The following ATXN1 variants were observed in gnomAD, a reference collection of about 807,000 sequenced individuals.
The protein encoded by ATXN1 is ataxin 1, also known as ataxin-1.
Under a neutral mutation model 56.4 loss-of-function variants are expected in ATXN1, and 8 were observed. That is an observed-to-expected ratio of 0.14 (90% CI 0.08 to 0.26). The LOEUF (loss-of-function observed/expected upper bound fraction) is 0.26, where lower values mean the gene tolerates loss of function less well. ATXN1 is among the 10% of genes least tolerant of loss of function. The pLI is 1.00. For missense variants in ATXN1, 987 were observed against 1,106.5 expected (o/e 0.89, Z 1.53); for synonymous variants, 514 against 494.6 (o/e 1.04, Z -0.52).
intron 6 of ATXN1, among the ~76,000 whole-genome samples, chr6:16,392,294 G>C (rs937674816): frequency 2.0e-5 from 3 of 152,190 alleles, no homozygotes; most frequent in African/African-American, 7.2e-5. Flanking sequence ...GGCTTCCCCA[G>C]CTGATACCCA....
intron 3 of ATXN1, among the ~76,000 whole-genome samples, chr6:16,650,012 A>G (rs1048019924): frequency 1.3e-5 from 2 of 151,668 alleles, no homozygotes; most frequent in Non-Finnish European, 2.9e-5. Flanking sequence ...GGAATGGTGC[A>G]GTCTAAACTT....
At chr6:16,655,837 C>T (rs193188225) in intron 3 of ATXN1, among the ~76,000 whole-genome samples, 1 of 151,970 alleles carries the variant, frequency 6.6e-6, no homozygotes, top group African/African-American at 2.4e-5. Flanking sequence ...CATCTGTAAT[C>T]CCAGCACTTT....
intron 6 of ATXN1, among the ~76,000 whole-genome samples, chr6:16,367,399 C>G (rs868681765): frequency 5.9e-5 from 9 of 152,136 alleles, no homozygotes; most frequent in South Asian, 2.1e-4. Flanking sequence ...CAGACACACA[C>G]ACAATCAGTG....
At chr6:16,670,650 G>A (rs980108695) in intron 2 of ATXN1, among the ~76,000 whole-genome samples, 1 of 152,144 alleles carries the variant, frequency 6.6e-6, no homozygotes, top group African/African-American at 2.4e-5. Context: ...AATGATCCTA[G>A]AAGCATGTCC....
At chr6:16,600,463 T>C (rs1479050713) in intron 3 of ATXN1, among the ~76,000 whole-genome samples, 1 of 152,164 alleles carries the variant, frequency 6.6e-6, no homozygotes, top group African/African-American at 2.4e-5. Flanking sequence ...ATCAAATTCA[T>C]CTCCTCTTAA....
In ATXN1 at chr6:16,749,545, T is replaced by C. The variant is rs148770548; in HGVS notation, c.-615+3688A>G. On this transcript the variant is annotated intron_variant, in intron 2 of 7. Coordinates refer to ENST00000436367, the MANE Select transcript of ATXN1 (RefSeq NM_001128164.2). Reference sequence around the variant, plus strand: ...AGGTTTTGACAAGATTTCATTGAACTGTAGTTCAGCACTGAGTTTCCAAGG... The same window carrying C: ...AGGTTTTGACAAGATTTCATTGAACCGTAGTTCAGCACTGAGTTTCCAAGG... Among the ~76,000 whole-genome samples, 532 of 152,288 alleles carry C rather than the reference T, an allele frequency of 3.5e-3. 2 individuals carry two copies. Among genetic ancestry groups the C allele is most frequent in the African/African-American group, 0.012 (494 of 41,546 alleles).
intron 6 of ATXN1, among the ~76,000 whole-genome samples, chr6:16,414,373 T>C (rs1758861431): frequency 6.6e-6 from 1 of 152,218 alleles, no homozygotes; most frequent in African/African-American, 2.4e-5. Flanking sequence ...TTGGTATGAT[T>C]CTTGCAGTTA....
intron 3 of ATXN1, among the ~76,000 whole-genome samples, chr6:16,621,960 TAA>T (rs1482825333): frequency 6.6e-6 from 1 of 152,284 alleles, no homozygotes; most frequent in African/African-American, 2.4e-5. Flanking sequence ...CCACCATTTT[TAA>T]AAATCTGTAG....
intron 2 of ATXN1, among the ~76,000 whole-genome samples, chr6:16,701,755 T>C (rs1257692831): frequency 1.3e-5 from 2 of 152,008 alleles, no homozygotes; most frequent in East Asian, 1.9e-4. Flanking sequence ...GAGAATAAAA[T>C]ACCTAGGAAT....
chr6:16,310,697 C>T (rs1174368582), intron 7 of ATXN1, among the ~76,000 whole-genome samples: 1 of 152,268 alleles, frequency 6.6e-6, no homozygotes, highest in East Asian at 1.9e-4. Context: ...CCATGTTGGC[C>T]AGGATGGTCT....
At chr6:16,481,575 A>G (rs750459033) in intron 6 of ATXN1, among the ~76,000 whole-genome samples, 1 of 152,218 alleles carries the variant, frequency 6.6e-6, no homozygotes, top group Non-Finnish European at 1.5e-5. Context: ...AAGGGAGTCC[A>G]TAGACACACA....
chr6:16,747,183 G>A (rs967618927), intron 2 of ATXN1, among the ~76,000 whole-genome samples: 1 of 152,092 alleles, frequency 6.6e-6, no homozygotes, highest in Non-Finnish European at 1.5e-5. Context: ...AAGAAGCCTG[G>A]TTTTGATTTC....
intron 6 of ATXN1, among the ~76,000 whole-genome samples, chr6:16,358,509 T>C (rs1041901800): frequency 6.6e-6 from 1 of 152,208 alleles, no homozygotes; most frequent in Non-Finnish European, 1.5e-5. Context: ...AGCAACCTGT[T>C]TGGAACTGGA....
In ATXN1 at chr6:16,444,744, C is replaced by CACT. The variant is rs570292264; in HGVS notation, c.-161+41225_-161+41227dup. The stretch of plus-strand genomic sequence containing the variant: ...ACAAATAATAATAGAATTAGACTAC[C>CACT]ACTATTTGCAATCCCTGATAAATTT... On this transcript the variant is annotated intron_variant, in intron 6 of 7. Coordinates refer to ENST00000436367, the MANE Select transcript of ATXN1 (RefSeq NM_001128164.2). Among the ~76,000 whole-genome samples the CACT allele has an allele frequency of 9.9e-5, 15 of 152,272 alleles. No homozygotes were observed. The East Asian group carries it at 2.7e-3, about 27-fold the overall frequency.
chr6:16,326,227 TG>T lies in ATXN1; in HGVS notation c.1917+166del, dbSNP rs148903266. 4.9e-3 allele frequency among the ~76,000 whole-genome samples: 743 copies of T among 152,074 alleles called. 5 individuals carry two copies. Among genetic ancestry groups the T allele is most frequent in the Middle Eastern group, 0.017 (5 of 292 alleles). On this transcript the variant is annotated intron_variant, in intron 7 of 7. Transcript: ENST00000436367. The surrounding 1 kb of genome is among the most constrained non-coding windows in gnomAD (Gnocchi z 6.6). ...ACACACAGCAGAGATCACGGGGAAATGGGGCTTATTTTTTCTAGAGAACGCA... is the reference window on the plus strand; with the variant it reads ...ACACACAGCAGAGATCACGGGGAAATGGGCTTATTTTTTCTAGAGAACGCA...
chr6:16,718,392 C>T (rs908009088), intron 2 of ATXN1, among the ~76,000 whole-genome samples: 1 of 152,250 alleles, frequency 6.6e-6, no homozygotes, highest in Non-Finnish European at 1.5e-5. Flanking sequence ...ACAAAACTAA[C>T]TGCAACGGAG....
chr6:16,494,184 C>G (rs1291845074), intron 5 of ATXN1, among the ~76,000 whole-genome samples: 1 of 151,036 alleles, frequency 6.6e-6, no homozygotes, highest in Admixed American at 6.6e-5. Flanking sequence ...AGTTAGACCT[C>G]AAGAAGAGTT....
At chr6:16,442,252 T>C (rs985803546) in intron 6 of ATXN1, among the ~76,000 whole-genome samples, 2 of 152,190 alleles carry the variant, frequency 1.3e-5, no homozygotes, top group South Asian at 4.1e-4. Flanking sequence ...CAATCTGTTA[T>C]GAATATGCAA....
chr6:16,545,129 G>A (rs528795526), intron 4 of ATXN1, among the ~76,000 whole-genome samples: 2 of 152,068 alleles, frequency 1.3e-5, no homozygotes. Context: ...TAGCTGATGA[G>A]GCCACTAATA....
Sources: gnomAD v4.1 joint callset for allele counts (sites outside exome capture counted in the v4.1 genomes callset) on GRCh38, gnomAD v4.1.1 for gene constraint, Gnocchi (gnomAD v3.1) non-coding constraint, MANE v1.5 for transcripts, NCBI Gene and HGNC (gene_info 2026-07-23, HGNC 2026-07-21) for gene names.